Variants in FAR2 observed in about 807,000 individuals in gnomAD.
FAR2 encodes epididymis secretory protein Li 81.
Under a neutral mutation model 56.0 loss-of-function variants are expected in FAR2, and 19 were observed. The observed-to-expected ratio is 0.34, with a 90% CI of 0.24 to 0.50. The LOEUF (loss-of-function observed/expected upper bound fraction) is 0.50, where lower values mean the gene tolerates loss of function less well. Among genes scored for constraint, FAR2 ranks in the 20% least tolerant of loss-of-function variants. The probability of loss-of-function intolerance (pLI) is 0.98; values close to 1 mark genes in which losing one functional copy is unlikely to be tolerated. For missense variants in FAR2, 508 were observed against 642.2 expected (o/e 0.79, Z 2.26); for synonymous variants, 219 against 218.8 (o/e 1.00, Z -0.01).
chr12:29,221,101 A>G (rs968463139), intron 1 of FAR2, among the ~76,000 whole-genome samples: 1 of 151,366 alleles, frequency 6.6e-6, no homozygotes, highest in South Asian at 2.1e-4. Flanking sequence ...TGGTAACAAC[A>G]CTCCCTTACC....
intron 1 of FAR2, among the ~76,000 whole-genome samples, chr12:29,173,529 G>C (rs1355329945): frequency 6.6e-6 from 1 of 152,144 alleles, no homozygotes; most frequent in Non-Finnish European, 1.5e-5. Flanking sequence ...CTGCAGGATA[G>C]TATTGTAATT....
At chr12:29,208,783 G>A (rs1947506663) in intron 1 of FAR2, among the ~76,000 whole-genome samples, 2 of 152,182 alleles carry the variant, frequency 1.3e-5, no homozygotes, top group Admixed American at 1.3e-4. Flanking sequence ...TTCTGAAAAG[G>A]AAATCATTGT....
chr12:29,259,843 T>A (rs67280216), intron 1 of FAR2, among the ~76,000 whole-genome samples: 20,720 of 152,196 alleles, frequency 0.14, 1,546 homozygotes, highest in Middle Eastern at 0.28. Flanking sequence ...CCATACATTA[T>A]ATAGGATGCT....
intron 4 of FAR2, among the ~76,000 whole-genome samples, chr12:29,300,367 G>A (rs759430798): frequency 9.9e-5 from 15 of 152,016 alleles, no homozygotes; most frequent in Non-Finnish European, 1.6e-4. Context: ...CATGATCTAC[G>A]ACTATTTCAA....
intron 1 of FAR2, among the ~76,000 whole-genome samples, chr12:29,157,737 C>A (rs1188263835): frequency 1.3e-5 from 2 of 152,106 alleles, no homozygotes; most frequent in African/African-American, 4.8e-5. Flanking sequence ...CAGAAGTGAG[C>A]AAAAATCCCA....
chr12:29,186,755 A>ATTTATTTTTTATTTAT (rs1481530321), intron 1 of FAR2, among the ~76,000 whole-genome samples: 8 of 46,324 alleles, frequency 1.7e-4, no homozygotes, highest in African/African-American at 3.3e-4. Flanking sequence ...TTCTTTATTT[A>ATTTATTTTTTATTTAT]TTATTTATTT....
At chr12:29,257,887 C>T (rs1168666122) in intron 1 of FAR2, among the ~76,000 whole-genome samples, 2 of 152,184 alleles carry the variant, frequency 1.3e-5, no homozygotes, top group African/African-American at 4.8e-5. Context: ...CAATTCCGGC[C>T]ACAGGATTAC....
chr12:29,156,346 CTA>C (rs1352477342), intron 1 of FAR2: 3 of 152,060 alleles, frequency 2.0e-5, no homozygotes, highest in Non-Finnish European at 2.9e-5. Context: ...ATGAAACAAA[CTA>C]TTTTTGGCAT....
chr12:29,318,163 C>T (rs779195715), intron 9 of FAR2, among the ~76,000 whole-genome samples: 8 of 152,186 alleles, frequency 5.3e-5, no homozygotes, highest in African/African-American at 9.6e-5. Context: ...TCTTCTTCAG[C>T]GTGTTTGTCA....
Position 29,193,879 on chromosome 12 carries a change from G to C in FAR2, c.-39+44472G>C, listed in dbSNP as rs1448050374. 2.0e-5 allele frequency among the ~76,000 whole-genome samples: 3 copies of C among 152,182 alleles called. No individual in the cohort carries two copies. The East Asian group carries it at 5.8e-4, about 29-fold the overall frequency. On this transcript the variant is annotated intron_variant, in intron 1 of 11. Coordinates refer to ENST00000536681, the MANE Select transcript of FAR2 (RefSeq NM_001271783.2). ...GTATTCCCACCATTAATGAATGAGA[G>C]TTCCTATCGCTCCACATTCTCACCA...
chr12:29,159,522 A>G (rs1290538910), intron 1 of FAR2, among the ~76,000 whole-genome samples: 2 of 1,182 alleles, frequency 1.7e-3, no homozygotes, highest in African/African-American at 2.0e-3. Flanking sequence ...TCTGTCTCGG[A>G]AAAAAAAAAA....
intron 9 of FAR2, among the ~76,000 whole-genome samples, chr12:29,318,551 A>C (rs1411632447): frequency 6.6e-6 from 1 of 152,218 alleles, no homozygotes; most frequent in African/African-American, 2.4e-5. Flanking sequence ...TATGTATTTT[A>C]GCAATAATCT....
chr12:29,187,897 T>C (rs1355206213), intron 1 of FAR2, among the ~76,000 whole-genome samples: 1 of 152,238 alleles, frequency 6.6e-6, no homozygotes, highest in Admixed American at 6.5e-5. Context: ...GGACTGATTG[T>C]GTTCCAATCA....
chr12:29,178,159 G>A (rs942527191), intron 1 of FAR2, among the ~76,000 whole-genome samples: 2 of 147,092 alleles, frequency 1.4e-5, no homozygotes, highest in African/African-American at 5.0e-5. Flanking sequence ...AAATGGATGA[G>A]ATTAGTTGTA....
intron 10 of FAR2, among the ~76,000 whole-genome samples, chr12:29,326,616 G>A (rs78409704): frequency 0.032 from 4,803 of 152,246 alleles, 93 homozygotes; most frequent in South Asian, 0.07. Context: ...ATCAATAAAC[G>A]TAATCCTGCA....
intron 1 of FAR2, among the ~76,000 whole-genome samples, chr12:29,257,166 T>C (rs943918325): frequency 1.3e-5 from 2 of 152,094 alleles, no homozygotes; most frequent in Non-Finnish European, 2.9e-5. Flanking sequence ...AATACACCAA[T>C]AGGCACTCTG....
chr12:29,224,434 A>G (rs910693380), intron 1 of FAR2, among the ~76,000 whole-genome samples: 1 of 152,234 alleles, frequency 6.6e-6, no homozygotes, highest in African/African-American at 2.4e-5. Flanking sequence ...AGCTCCAGGG[A>G]AGAATATGAT....
chr12:29,178,982 CCTCT>C (rs897152919), intron 1 of FAR2, among the ~76,000 whole-genome samples: 2 of 151,472 alleles, frequency 1.3e-5, no homozygotes, highest in African/African-American at 4.9e-5. Context: ...CTGTTCCTGG[CCTCT>C]CTCTCTCTTT....
intron 1 of FAR2, among the ~76,000 whole-genome samples, chr12:29,249,280 G>A (rs1948173004): frequency 6.6e-6 from 1 of 152,182 alleles, no homozygotes; most frequent in African/African-American, 2.4e-5. Context: ...CTTCTGCCAT[G>A]GCTTCAGCCG....
Sources: gnomAD v4.1 joint callset for allele counts (sites outside exome capture counted in the v4.1 genomes callset) on GRCh38, gnomAD v4.1.1 for gene constraint, MANE v1.5 for transcripts, NCBI Gene and HGNC (gene_info 2026-07-23, HGNC 2026-07-21) for gene names.